The following AMOTL1 variants were observed in gnomAD, a reference collection of about 807,000 sequenced individuals.
AMOTL1 encodes the protein angiomotin like 1.
A neutral mutation model predicts 102.9 loss-of-function variants in AMOTL1; 45 were observed. That is an observed-to-expected ratio of 0.44 (90% CI 0.34 to 0.56). The LOEUF is 0.56. AMOTL1 is among the 20% of genes least tolerant of loss of function. The pLI, the probability that AMOTL1 is intolerant of heterozygous loss-of-function variation, is 0.01. For missense variants in AMOTL1, 1,114 were observed against 1,225.6 expected (o/e 0.91, Z 1.36); for synonymous variants, 481 against 484.7 (o/e 0.99, Z 0.10).
At chr11:94,755,371 G>A (rs1950709379) in intron 3 of AMOTL1, among the ~76,000 whole-genome samples, 1 of 152,120 alleles carries the variant, frequency 6.6e-6, no homozygotes, top group Non-Finnish European at 1.5e-5. Context: ...GTCCTCATAG[G>A]AGGGAATACC....
chr11:94,826,850 A>T (rs749071851), intron 4 of AMOTL1, among the ~76,000 whole-genome samples: 1 of 152,196 alleles, frequency 6.6e-6, no homozygotes, highest in African/African-American at 2.4e-5. Context: ...ATCAGTTCTC[A>T]TAGGAATTAC....
At chr11:94,812,793 A>G (rs2135600396) in intron 3 of AMOTL1, among the ~76,000 whole-genome samples, 1 of 152,114 alleles carries the variant, frequency 6.6e-6, no homozygotes, top group Middle Eastern at 3.4e-3. Flanking sequence ...TAGTTCTCCA[A>G]CCACAGCTGT....
In AMOTL1 at chr11:94,839,977, G is replaced by C. The variant is rs75906770; in HGVS notation, c.1648+8436G>C. Among the ~76,000 whole-genome samples, 203 of 152,272 alleles carry C rather than the reference G, an allele frequency of 1.3e-3. 1 individual carries two copies. The highest frequency in any genetic ancestry group is 4.6e-3 in the African/African-American group (191 of 41,556). On this transcript the variant is annotated intron_variant, in intron 6 of 12. Coordinates refer to ENST00000433060, the MANE Select transcript of AMOTL1 (RefSeq NM_130847.3). ...CTGTGCCTTTGGCTTTTACATCTAT[G>C]TTTGAACTAGAGCCAATTATAATAA...
At chr11:94,852,330 T>TA (rs1450418370) in intron 7 of AMOTL1, among the ~76,000 whole-genome samples, 1 of 152,264 alleles carries the variant, frequency 6.6e-6, no homozygotes, top group African/African-American at 2.4e-5. Flanking sequence ...GATATAGGTA[T>TA]AACTCACAGC....
intron 1 of AMOTL1, among the ~76,000 whole-genome samples, chr11:94,706,829 T>G (rs34439245): frequency 0.46 from 70,152 of 151,966 alleles, 18,182 homozygotes; most frequent in Non-Finnish European, 0.58. Context: ...TGTAGGAATC[T>G]AATCGGGGCT....
At chr11:94,830,230 T>A (rs1488478323) in intron 5 of AMOTL1, 36 bp downstream of exon 5, 2 of 1,555,466 alleles carry the variant, frequency 1.3e-6, no homozygotes, top group Admixed American at 4.0e-5. Context: ...CTAAACTACC[T>A]GTAGAGTTTT....
chr11:94,812,308 G>A (rs1258952203), intron 3 of AMOTL1, among the ~76,000 whole-genome samples: 1 of 152,164 alleles, frequency 6.6e-6, no homozygotes, highest in African/African-American at 2.4e-5. Flanking sequence ...GGTGTATATT[G>A]GTTTGGTCCA....
intron 3 of AMOTL1, among the ~76,000 whole-genome samples, chr11:94,810,570 A>T (rs1228257514): frequency 6.6e-6 from 1 of 151,902 alleles, no homozygotes; most frequent in Non-Finnish European, 1.5e-5. Context: ...AAGATCTGAG[A>T]CAAACTTATC....
intron 3 of AMOTL1, among the ~76,000 whole-genome samples, chr11:94,752,045 G>A (rs952595200): frequency 3.3e-5 from 5 of 152,186 alleles, no homozygotes; most frequent in Admixed American, 2.0e-4. Context: ...CATTCTTGCC[G>A]GATGATCATT....
intron 3 of AMOTL1, among the ~76,000 whole-genome samples, chr11:94,804,423 G>A (rs981714142): frequency 3.3e-5 from 5 of 152,134 alleles, no homozygotes; most frequent in East Asian, 3.9e-4. Context: ...CAGTAGCTGC[G>A]ATTACAGGCA....
At chr11:94,827,500 G>T (rs1232359709) in intron 4 of AMOTL1, among the ~76,000 whole-genome samples, 1 of 152,188 alleles carries the variant, frequency 6.6e-6, no homozygotes, top group Non-Finnish European at 1.5e-5. Context: ...CATCTCTTTT[G>T]TGAATAAAAT....
At chr11:94,725,430 T>A (rs1437014850) in intron 1 of AMOTL1, among the ~76,000 whole-genome samples, 1 of 152,184 alleles carries the variant, frequency 6.6e-6, no homozygotes, top group Non-Finnish European at 1.5e-5. Context: ...CAAACAACAC[T>A]ATTCATTCAC....
At chr11:94,837,714 G>A (rs1952213471) in intron 6 of AMOTL1, among the ~76,000 whole-genome samples, 1 of 152,200 alleles carries the variant, frequency 6.6e-6, no homozygotes, top group African/African-American at 2.4e-5. Flanking sequence ...CTTAAAGAAT[G>A]GAGCTGATTG....
rs750028623 is a variant in AMOTL1, at chr11:94,875,153, G to C, written c.*4358G>C. The C allele has an allele frequency of 1.3e-5, 2 of 152,196 alleles. No individual in the cohort carries two copies. Among genetic ancestry groups the C allele is most frequent in the Non-Finnish European group, 2.9e-5 (2 of 68,030 alleles). The allele number at this position is 152,196 out of a possible 1,614,324, so 9.4% of individuals were successfully genotyped here. A position where few individuals can be genotyped will look rare whatever the true frequency, so the allele number is the denominator to read the frequency against. The stretch of plus-strand genomic sequence containing the variant: ...TTTAAGTAATTAAAGTGTTTAAAAT[G>C]TCTTCATTAGATGTGACGATTGTTT... On this transcript the variant is annotated 3_prime_UTR_variant, in exon 13 of 13. Transcript: ENST00000433060.
intron 8 of AMOTL1, among the ~76,000 whole-genome samples, chr11:94,854,769 G>T (rs1307385081): frequency 6.6e-6 from 1 of 152,134 alleles, no homozygotes; most frequent in Admixed American, 6.5e-5. Context: ...AGGAGTTGAA[G>T]GGAAGAGCCA....
intron 1 of AMOTL1, among the ~76,000 whole-genome samples, chr11:94,781,691 T>A (rs1031941115): frequency 7.0e-4 from 106 of 151,820 alleles, no homozygotes; most frequent in Non-Finnish European, 1.2e-4. Context: ...AAAAATTACC[T>A]GGGTGTGGTG....
chr11:94,715,856 T>C (rs1348203522), intron 1 of AMOTL1, among the ~76,000 whole-genome samples: 3 of 152,146 alleles, frequency 2.0e-5, no homozygotes, highest in Admixed American at 6.5e-5. Context: ...GGATTTATCT[T>C]ATTTAGGTTC....
chr11:94,780,286 G>A (rs931746501), intron 1 of AMOTL1, among the ~76,000 whole-genome samples: 3 of 152,294 alleles, frequency 2.0e-5, no homozygotes, highest in South Asian at 4.2e-4. Flanking sequence ...CTTCTCCAGG[G>A]CCACTTAGCC....
chr11:94,749,266 C>T (rs2135487551), intron 3 of AMOTL1, among the ~76,000 whole-genome samples: 1 of 152,322 alleles, frequency 6.6e-6, no homozygotes, highest in East Asian at 1.9e-4. Context: ...AAAACCCAAA[C>T]AACCTGGAGT....
Sources: allele counts gnomAD v4.1 joint callset (sites outside exome capture counted in the v4.1 genomes callset), GRCh38; gene constraint gnomAD v4.1.1; transcripts MANE v1.5; gene names NCBI Gene and HGNC (gene_info 2026-07-23, HGNC 2026-07-21).